The following SLC39A12 variants were observed in gnomAD, a reference collection of about 807,000 sequenced individuals.
SLC39A12 encodes zinc transporter ZIP12.
A neutral mutation model predicts 71.1 loss-of-function variants in SLC39A12; 63 were observed. The ratio of observed to expected loss-of-function variants is 0.89; its 90% CI spans 0.72 to 1.09. The LOEUF is 1.09. Ranked by LOEUF, SLC39A12 falls within the 50% of genes least tolerant of loss-of-function variation. The pLI is 0.00. For missense variants in SLC39A12, 892 were observed against 812.6 expected, an observed-to-expected ratio of 1.10 and a Z score of -1.19; for synonymous variants, 351 against 301.3, an observed-to-expected ratio of 1.16 and a Z score of -1.71.
chr10:17,970,219 G>A lies in SLC39A12; in HGVS notation c.751+4529G>A, dbSNP rs149431541. Among the ~76,000 whole-genome samples, 164 of 152,198 alleles carry A rather than the reference G, an allele frequency of 1.1e-3. 2 individuals carry two copies. In the East Asian group the frequency reaches 0.016, roughly 15 times the overall value. ...GTAATACAGTTTGAAGTCAGGTAAC[G>A]TGATTCCTCTAGTTTGGTTCTTTTG... On this transcript the variant is annotated intron_variant, in intron 4 of 12. Transcript: ENST00000377369.
chr10:17,989,512 G>A (rs1218350117), intron 7 of SLC39A12, among the ~76,000 whole-genome samples: 1 of 152,236 alleles, frequency 6.6e-6, no homozygotes, highest in Non-Finnish European at 1.5e-5. Flanking sequence ...CCCCCAGTGA[G>A]GGAGCCCACA....
chr10:18,039,236 G>T (rs992228930), intron 12 of SLC39A12, among the ~76,000 whole-genome samples: 2 of 152,118 alleles, frequency 1.3e-5, no homozygotes, highest in African/African-American at 4.8e-5. Context: ...AGGAGGAGGA[G>T]AGGGAACTAC....
At chr10:17,985,347 AAAAAT>A (rs748566502) in intron 6 of SLC39A12, among the ~76,000 whole-genome samples, 3 of 152,326 alleles carry the variant, frequency 2.0e-5, no homozygotes, top group Non-Finnish European at 2.9e-5. Flanking sequence ...TCTCAAAAAT[AAAAAT>A]AAAATAAAAT....
In SLC39A12 at chr10:18,015,402, T is replaced by A. The variant is rs1037750412; in HGVS notation, c.1947+12044T>A. ...GAATAAGTGAATACTCAAAAGATGT[T>A]TTTTTCATTTTTTCTCTGTGTTTGA... On this transcript the variant is annotated intron_variant, in intron 12 of 12. Coordinates refer to ENST00000377369, the MANE Select transcript of SLC39A12 (RefSeq NM_001145195.2). Among the ~76,000 whole-genome samples the A allele has an allele frequency of 7.2e-5, 11 of 152,294 alleles. 1 individual carries two copies. Among genetic ancestry groups the A allele is most frequent in the African/African-American group, 2.4e-4 (10 of 41,574 alleles).
Position 17,965,643 on chromosome 10 carries a change from A to T in SLC39A12, c.704A>T (p.Glu235Val). Residue 235 changes from glutamate (E) to valine (V), a missense_variant, in exon 4 of 13, where the codon GAA becomes GTA. Glu to Val is a moderately radical substitution (Grantham distance 121, BLOSUM62 -2). Transcript: ENST00000377369. The stretch of plus-strand genomic sequence containing the variant: ...TTGCCTTCCCCAGACTACTTTACAG[A>T]ATATATTTTCAGTTCCTTGAATCGT... Reference protein sequence around the residue: ...GNLPSPDYFTEYIFSSLNRTN... With the variant: ...GNLPSPDYFTVYIFSSLNRTN... 1 of 1,614,144 alleles carries T rather than the reference A, an allele frequency of 6.2e-7. No homozygotes were observed. Among genetic ancestry groups the T allele is most frequent in the African/African-American group, 1.3e-5 (1 of 75,050 alleles).
intron 8 of SLC39A12, among the ~76,000 whole-genome samples, chr10:17,991,978 AC>A (rs1361199145): frequency 6.6e-6 from 1 of 150,974 alleles, no homozygotes; most frequent in Admixed American, 6.6e-5. Context: ...AATCCCAGGT[AC>A]TAGGGAGGCT....
intron 4 of SLC39A12, among the ~76,000 whole-genome samples, chr10:17,974,592 G>C (rs922699372): frequency 1.3e-5 from 2 of 152,168 alleles, no homozygotes; most frequent in Non-Finnish European, 2.9e-5. Flanking sequence ...AGAGACTCTT[G>C]TTCTCTTCCC....
chr10:18,039,933 A>G (rs1028131365), intron 12 of SLC39A12, among the ~76,000 whole-genome samples: 1 of 152,196 alleles, frequency 6.6e-6, no homozygotes, highest in Non-Finnish European at 1.5e-5. Flanking sequence ...ATGTTGAACT[A>G]ATATCAAGGC....
Position 17,961,647 on chromosome 10 carries a change from G to A in SLC39A12, c.328G>A (p.Val110Met), listed in dbSNP as rs782192520. The change falls in exon 3 of 13, where the codon GTG becomes ATG. Residue 110 changes from valine (V) to methionine (M), a missense_variant. Physicochemically the swap from Val to Met is conservative, Grantham distance 21. Coordinates refer to ENST00000377369, the MANE Select transcript of SLC39A12 (RefSeq NM_001145195.2). ...TTTTGAAGATCAGCTTAGAGAAGAA[G>A]TGGTCCAGAGAGTTTCTCTTCTCCT... ...GNFEDQLREE[V>M]VQRVSLLLLY... 6.2e-7 allele frequency: 1 copy of A among 1,614,080 alleles called. No individual in the cohort carries two copies. The highest frequency in any genetic ancestry group is 2.2e-5 in the East Asian group (1 of 44,866).
chr10:18,036,794 A>ATATATATATTTTT (rs1554855475), intron 12 of SLC39A12, among the ~76,000 whole-genome samples: 1 of 92,860 alleles, frequency 1.1e-5, no homozygotes, highest in Non-Finnish European at 1.9e-5. Context: ...ATATATATAT[A>ATATATATATTTTT]TTTTTTTTTT....
At chr10:17,971,869 C>T (rs1451044124) in intron 4 of SLC39A12, among the ~76,000 whole-genome samples, 1 of 152,018 alleles carries the variant, frequency 6.6e-6, no homozygotes, top group Non-Finnish European at 1.5e-5. Context: ...TTTGCTTCTA[C>T]TCATTTTAGG....
chr10:17,979,215 A>G lies in SLC39A12; in HGVS notation c.924+1141A>G, dbSNP rs114360169. Among the ~76,000 whole-genome samples, 716 of 152,318 alleles carry G rather than the reference A, an allele frequency of 4.7e-3. 3 individuals are homozygous for G. The highest frequency in any genetic ancestry group is 0.016 in the African/African-American group (668 of 41,576). ...AAAAATATGTTGTGTTCAAAATTTTATAGAATATAATGAGTCCCCAGTAAG... is the reference window on the plus strand; with the variant it reads ...AAAAATATGTTGTGTTCAAAATTTTGTAGAATATAATGAGTCCCCAGTAAG... On this transcript the variant is annotated intron_variant, in intron 5 of 12. Coordinates refer to ENST00000377369, the MANE Select transcript of SLC39A12 (RefSeq NM_001145195.2).
chr10:17,975,598 G>C (rs897386982), intron 4 of SLC39A12, among the ~76,000 whole-genome samples: 1 of 151,748 alleles, frequency 6.6e-6, no homozygotes, highest in African/African-American at 2.4e-5. Flanking sequence ...TGGAAGTAAG[G>C]GGTATCTTTT....
In SLC39A12 at chr10:18,037,281, G is replaced by A. The variant is rs113507124; in HGVS notation, c.1948-5424G>A. Reference sequence around the variant, plus strand: ...ATCATGTATTTTATCAAATTTTCATGAAGTGCAGTGACATTTTTATGCTTA... The same window carrying A: ...ATCATGTATTTTATCAAATTTTCATAAAGTGCAGTGACATTTTTATGCTTA... On this transcript the variant is annotated intron_variant, in intron 12 of 12. Coordinates refer to ENST00000377369, the MANE Select transcript of SLC39A12 (RefSeq NM_001145195.2). 9.9e-3 allele frequency among the ~76,000 whole-genome samples: 1,513 copies of A among 152,264 alleles called. 20 individuals carry two copies. Among genetic ancestry groups the A allele is most frequent in the Middle Eastern group, 0.014 (4 of 294 alleles).
intron 6 of SLC39A12, among the ~76,000 whole-genome samples, chr10:17,983,040 T>TA (rs572926333): frequency 0.03 from 4,353 of 145,912 alleles, 178 homozygotes; most frequent in African/African-American, 0.09. Context: ...AATTAAAAAT[T>TA]AAAAAAAAAA....
intron 12 of SLC39A12, among the ~76,000 whole-genome samples, chr10:18,028,150 A>G (rs1366646621): frequency 6.6e-6 from 1 of 152,230 alleles, no homozygotes; most frequent in Non-Finnish European, 1.5e-5. Context: ...ACTTCTAAGC[A>G]TTCATAATGC....
At chr10:17,955,133 G>A (rs1179686727) in intron 2 of SLC39A12, among the ~76,000 whole-genome samples, 1 of 151,966 alleles carries the variant, frequency 6.6e-6, no homozygotes, top group Non-Finnish European at 1.5e-5. Context: ...CCTTATTAAG[G>A]CTGGTTGAAT....
intron 4 of SLC39A12, among the ~76,000 whole-genome samples, chr10:17,976,020 A>C (rs1835100112): frequency 6.6e-6 from 1 of 152,156 alleles, no homozygotes; most frequent in Admixed American, 6.5e-5. Context: ...TGCTCTCTGC[A>C]CCACACTGCT....
chr10:17,955,567 CA>C (rs1236927545), intron 2 of SLC39A12, among the ~76,000 whole-genome samples: 1 of 152,146 alleles, frequency 6.6e-6, no homozygotes, highest in Non-Finnish European at 1.5e-5. Context: ...TGTCTGCTGA[CA>C]GGCAGGGTTC....
Sources: allele counts gnomAD v4.1 joint callset (sites outside exome capture counted in the v4.1 genomes callset), GRCh38; gene constraint gnomAD v4.1.1; transcripts MANE v1.5; gene names NCBI Gene and HGNC (gene_info 2026-07-23, HGNC 2026-07-21).